APOOL: variants seen among roughly 807,000 people sequenced by gnomAD.
APOOL encodes the protein apolipoprotein O like, also known as MICOS complex subunit MIC27.
APOOL carries 12 observed loss-of-function variants against 23.1 expected under a neutral mutation model. That is an observed-to-expected ratio of 0.52 (90% confidence interval 0.33 to 0.84). The LOEUF (loss-of-function observed/expected upper bound fraction) is 0.84. Ranked by LOEUF, APOOL falls within the 40% of genes least tolerant of loss-of-function variation. The pLI, the probability that APOOL is intolerant of heterozygous loss-of-function variation, is 0.02. For synonymous variants in APOOL, 77 were observed against 69.9 expected, an observed-to-expected ratio of 1.10 and a Z score of -0.51; for missense variants, 212 against 199.6, an observed-to-expected ratio of 1.06 and a Z score of -0.37.
chrX:85,018,401 C>T (rs1921549980), intron 1 of APOOL, among the ~76,000 whole-genome samples: 1 of 110,906 alleles, frequency 9.0e-6, no homozygotes, highest in African/African-American at 3.3e-5. Flanking sequence ...AAAACTCACT[C>T]ACTATTATGA....
chrX:85,062,914 C>G (rs187376696), intron 5 of APOOL, among the ~76,000 whole-genome samples: 1 of 111,650 alleles, frequency 9.0e-6, no homozygotes, highest in East Asian at 2.8e-4. Flanking sequence ...TCAATGATAA[C>G]TGAATGGGAA....
chrX:85,022,764 T>G (rs1160738199), intron 1 of APOOL, among the ~76,000 whole-genome samples: 2 of 111,362 alleles, frequency 1.8e-5, no homozygotes, highest in Non-Finnish European at 3.8e-5. Context: ...GAGAAAGAAA[T>G]AAAAGATATC....
At chrX:85,018,014 A>G (rs899632329) in intron 1 of APOOL, among the ~76,000 whole-genome samples, 4 of 112,117 alleles carry the variant, frequency 3.6e-5, no homozygotes, top group African/African-American at 1.3e-4. Context: ...CTGTCTGTCC[A>G]AGTGGGAGAT....
chrX:85,047,669 T>C (rs773811245), intron 2 of APOOL, among the ~76,000 whole-genome samples: 1 of 111,519 alleles, frequency 9.0e-6, no homozygotes, highest in South Asian at 3.8e-4. Context: ...GTTGAAGGTA[T>C]GTTTATACCT....
chrX:85,012,871 G>T (rs766908852), intron 1 of APOOL, among the ~76,000 whole-genome samples: 46 of 111,613 alleles, frequency 4.1e-4, no homozygotes, highest in South Asian at 7.5e-4. Context: ...ATGATCTAGG[G>T]AGGACTCCCT....
chrX:85,040,003 A>AT (rs1922353880), intron 1 of APOOL, among the ~76,000 whole-genome samples: 1 of 111,605 alleles, frequency 9.0e-6, no homozygotes, highest in African/African-American at 3.3e-5. Flanking sequence ...TCAGTAGTCT[A>AT]TGTACTTAAG....
chrX:85,067,143 A>G lies in APOOL; in HGVS notation c.411A>G (p.Lys137=). The G allele has an allele frequency of 8.7e-7, 1 of 1,154,246 alleles. No homozygotes were observed. The highest frequency in any genetic ancestry group is 2.0e-5 in the South Asian group (1 of 50,806). Residue 137 remains lysine (K), a synonymous_variant, in exon 6 of 9, where the codon AAA becomes AAG. Transcript: ENST00000373173. ...VSARKGSKFK[K]ITYPLGLATL... ...ATTTTATAGGTTCCAAGTTTAAGAA[A>G]ATTACTTATCCTCTGGGACTGGCCA...
intron 1 of APOOL, among the ~76,000 whole-genome samples, chrX:85,024,867 C>T (rs1173203955): frequency 8.9e-6 from 1 of 112,447 alleles, no homozygotes; most frequent in East Asian, 2.8e-4. Context: ...ATGAGAGTTG[C>T]CAGTCTGCTG....
rs188433695 is a variant in APOOL at position 85,038,234 on chromosome X, G to A, written c.16-8212G>A. Reference sequence around the variant, plus strand: ...TCCCAGGTTTAAAGCCTTCTTGGTCGTGGTGTTTTCCTAGATTTGGCTTTC... The same window carrying A: ...TCCCAGGTTTAAAGCCTTCTTGGTCATGGTGTTTTCCTAGATTTGGCTTTC... On this transcript the variant is annotated intron_variant, in intron 1 of 8. Coordinates refer to ENST00000373173, the MANE Select transcript of APOOL (RefSeq NM_198450.6). Among the ~76,000 whole-genome samples, 151 of 111,559 alleles carry A rather than the reference G, an allele frequency of 1.4e-3. 2 individuals carry two copies. The highest frequency in any genetic ancestry group is 1.9e-3 in the Non-Finnish European group (102 of 53,015).
chrX:85,088,016 A>G lies in APOOL; in HGVS notation c.*338A>G, dbSNP rs775088960. The G allele has an allele frequency of 1.1e-3, 107 of 101,822 alleles. 1 individual carries two copies. Among genetic ancestry groups the G allele is most frequent in the Admixed American group, 2.3e-3 (22 of 9,473 alleles). The allele number at this position is 101,822 out of a possible 1,213,427, so 8.4% of individuals were successfully genotyped here. A position where few individuals can be genotyped will look rare whatever the true frequency, so the allele number is the denominator to read the frequency against. Reference sequence around the variant, plus strand: ...TACATATATATATATGTATGTATAAATACATACATATTTATACATGTATAA... The same window carrying G: ...TACATATATATATATGTATGTATAAGTACATACATATTTATACATGTATAA... On this transcript the variant is annotated 3_prime_UTR_variant, in exon 9 of 9. Transcript: ENST00000373173.
chrX:85,068,502 T>C (rs1411013444), intron 6 of APOOL, among the ~76,000 whole-genome samples: 5 of 105,785 alleles, frequency 4.7e-5, no homozygotes, highest in Non-Finnish European at 9.7e-5. Context: ...GCCTCCTGGG[T>C]TCAAGTGATT....
At chrX:85,020,883 T>C (rs1336765859) in intron 1 of APOOL, among the ~76,000 whole-genome samples, 2 of 111,647 alleles carry the variant, frequency 1.8e-5, no homozygotes, top group Non-Finnish European at 3.8e-5. Context: ...TCCCTAGTGC[T>C]AGGCCAACAT....
At chrX:85,039,578 T>C (rs977798776) in intron 1 of APOOL, among the ~76,000 whole-genome samples, 3 of 111,842 alleles carry the variant, frequency 2.7e-5, no homozygotes, top group African/African-American at 9.8e-5. Context: ...GAACTTACTT[T>C]ATGAATCTGG....
rs143175660 is a variant in APOOL, at chrX:85,034,637, C to T, written c.16-11809C>T. On this transcript the variant is annotated intron_variant, in intron 1 of 8. Transcript: ENST00000373173. ...CCTCCCTCCCCCATCTACTAGTCCTCGGTGTCTGTTGTTCCCATCTATATG... is the reference window on the plus strand; with the variant it reads ...CCTCCCTCCCCCATCTACTAGTCCTTGGTGTCTGTTGTTCCCATCTATATG... Among the ~76,000 whole-genome samples the T allele has an allele frequency of 1.2e-3, 130 of 111,443 alleles. 1 individual carries two copies. The highest frequency in any genetic ancestry group is 4.6e-3 in the Middle Eastern group (1 of 217).
At chrX:85,015,647 C>T (rs1921444237) in intron 1 of APOOL, among the ~76,000 whole-genome samples, 1 of 108,652 alleles carries the variant, frequency 9.2e-6, no homozygotes, top group African/African-American at 3.3e-5. Flanking sequence ...CTGTTCACTG[C>T]AACCTCCGCC....
At chrX:85,067,628 A>ACACACACG (rs1923502988) in intron 6 of APOOL, among the ~76,000 whole-genome samples, 1 of 10,806 alleles carries the variant, frequency 9.3e-5, no homozygotes, top group African/African-American at 1.1e-3. Context: ...TGAAGGTAAA[A>ACACACACG]CACACACACA....
At chrX:85,029,015 C>T (rs901543330) in intron 1 of APOOL, among the ~76,000 whole-genome samples, 1 of 111,503 alleles carries the variant, frequency 9.0e-6, no homozygotes, top group Non-Finnish European at 1.9e-5. Flanking sequence ...TATCTGTTGG[C>T]TATACTGATT....
chrX:85,038,860 T>A (rs1425099236), intron 1 of APOOL, among the ~76,000 whole-genome samples: 1 of 110,125 alleles, frequency 9.1e-6, no homozygotes, highest in Non-Finnish European at 1.9e-5. Flanking sequence ...AAAACCAACT[T>A]TTTTTTATCT....
intron 1 of APOOL, among the ~76,000 whole-genome samples, chrX:85,025,448 A>C (rs1053054882): frequency 3.6e-5 from 4 of 112,080 alleles, no homozygotes; most frequent in Non-Finnish European, 5.6e-5. Flanking sequence ...AACAGTCCCC[A>C]AAAGTCTTAA....
Sources: gnomAD v4.1 joint callset for allele counts (sites outside exome capture counted in the v4.1 genomes callset) on GRCh38, gnomAD v4.1.1 for gene constraint, MANE v1.5 for transcripts, NCBI Gene and HGNC (gene_info 2026-07-23, HGNC 2026-07-21) for gene names.